Variants in SNRPN observed in about 807,000 individuals in gnomAD.
SNRPN encodes the protein small nuclear ribonucleoprotein-associated protein N.
Under a neutral mutation model 25.2 loss-of-function variants are expected in SNRPN, and 7 were observed. The ratio of observed to expected loss-of-function variants is 0.28; its 90% CI spans 0.16 to 0.52. The LOEUF (loss-of-function observed/expected upper bound fraction) is 0.52. Among genes scored for constraint, SNRPN ranks in the 20% least tolerant of loss-of-function variants. The pLI is 0.96. For synonymous variants in SNRPN, 124 were observed against 110.6 expected (o/e 1.12, Z -0.76); for missense variants, 196 against 322.5 (o/e 0.61, Z 3.00).
intron 2 of SNRPN, among the ~76,000 whole-genome samples, chr15:24,900,414 C>T (rs1047141265): frequency 6.6e-6 from 1 of 152,130 alleles, no homozygotes; most frequent in Non-Finnish European, 1.5e-5. Flanking sequence ...TGAAACTGAC[C>T]ATCTGGAAAC....
chr15:24,827,323 G>A (rs1440316572), intron 1 of SNRPN, among the ~76,000 whole-genome samples: 7 of 147,448 alleles, frequency 4.7e-5, no homozygotes, highest in African/African-American at 1.5e-4. Flanking sequence ...GACCATCCTG[G>A]CTAACACGGT....
At chr15:24,966,838 C>G (rs903327297) in intron 2 of SNRPN, among the ~76,000 whole-genome samples, 10 of 152,096 alleles carry the variant, frequency 6.6e-5, no homozygotes, top group African/African-American at 2.2e-4. Context: ...TTGGTGATCC[C>G]CCAGCTCCTC....
In SNRPN at chr15:24,871,163, T is replaced by A. The variant is rs560613769; in HGVS notation, c.-579+14447T>A. On this transcript the variant is annotated intron_variant, in intron 1 of 11. Transcript: ENST00000400097. ...CTCCCAAGTCTCCCAAGTGCTAGGA[T>A]TACAGGCGTGAGCCACCATGCCTGG... Among the ~76,000 whole-genome samples, 33 of 152,136 alleles carry A rather than the reference T, an allele frequency of 2.2e-4. No individual in the cohort carries two copies. In the East Asian group the frequency reaches 6.2e-3, roughly 29 times the overall value.
intron 3 of SNRPN, among the ~76,000 whole-genome samples, chr15:24,937,189 C>T (rs988724935): frequency 7.2e-5 from 11 of 151,998 alleles, no homozygotes; most frequent in African/African-American, 1.2e-4. Context: ...TGCAGCAAGA[C>T]GAGATCATGC....
intron 1 of SNRPN, among the ~76,000 whole-genome samples, chr15:24,883,423 G>A (rs1404869983): frequency 2.0e-5 from 3 of 152,184 alleles, no homozygotes; most frequent in Non-Finnish European, 2.9e-5. Context: ...CTGAAGCTGG[G>A]CACACCCACT....
chr15:24,845,733 T>TA (rs991139442), intron 2 of SNRPN, among the ~76,000 whole-genome samples: 14 of 151,316 alleles, frequency 9.3e-5, no homozygotes, highest in African/African-American at 2.4e-5. Context: ...TCTCAGTTTC[T>TA]AAAAAAAATA....
At chr15:24,868,137 AC>A (rs1566844963) in intron 1 of SNRPN, among the ~76,000 whole-genome samples, 1 of 142,190 alleles carries the variant, frequency 7.0e-6, no homozygotes, top group Non-Finnish European at 1.5e-5. Flanking sequence ...ATATATATAT[AC>A]ACACACACAT....
chr15:24,847,427 G>T (rs2052305318), intron 2 of SNRPN, among the ~76,000 whole-genome samples: 1 of 152,106 alleles, frequency 6.6e-6, no homozygotes, highest in Non-Finnish European at 1.5e-5. Flanking sequence ...GATCACTTGA[G>T]GCCAGGAGTT....
chr15:24,845,684 C>G (rs1053699446), intron 2 of SNRPN, among the ~76,000 whole-genome samples: 1 of 152,088 alleles, frequency 6.6e-6, no homozygotes, highest in Non-Finnish European at 1.5e-5. Flanking sequence ...TTTGGCTATA[C>G]TAATTATTTA....
Position 24,918,979 on chromosome 15 carries a change from CATAAT to C in SNRPN, c.-504-1028_-504-1024del, listed in dbSNP as rs1216530634. ...TATATATGCGCGCATATATATATAA[CATAAT>C]ATATATGTGCGCATATATATATAAC... On this transcript the variant is annotated intron_variant, in intron 2 of 11. Coordinates refer to the SNRPN transcript ENST00000400097. Among the ~76,000 whole-genome samples, 3 of 111,978 alleles carry C rather than the reference CATAAT, an allele frequency of 2.7e-5. 1 individual carries two copies. Among genetic ancestry groups the C allele is most frequent in the African/African-American group, 1.1e-4 (3 of 26,588 alleles). 73.5% of individuals were successfully genotyped at this position (111,978 alleles called of 152,430 possible). A position where few individuals can be genotyped will look rare whatever the true frequency, so the allele number is the denominator to read the frequency against.
intron 1 of SNRPN, among the ~76,000 whole-genome samples, chr15:24,869,562 C>T (rs538952831): frequency 6.6e-6 from 1 of 152,232 alleles, no homozygotes; most frequent in African/African-American, 2.4e-5. Flanking sequence ...TTAACATCCC[C>T]AATTTGGGAT....
chr15:24,923,855 G>C (rs1426185762), intron 3 of SNRPN, among the ~76,000 whole-genome samples: 1 of 143,298 alleles, frequency 7.0e-6, no homozygotes, highest in African/African-American at 2.6e-5. Context: ...GATAAATTTA[G>C]GATTTGTTTC....
intron 2 of SNRPN, among the ~76,000 whole-genome samples, chr15:24,897,523 T>C (rs1413848642): frequency 2.6e-5 from 4 of 152,190 alleles, no homozygotes; most frequent in Non-Finnish European, 4.4e-5. Context: ...AGTTCGTGGT[T>C]ACAGTGAGCT....
At chr15:24,932,605 C>T (rs7170795) in intron 3 of SNRPN, among the ~76,000 whole-genome samples, 2,818 of 151,358 alleles carry the variant, frequency 0.019, 98 homozygotes, top group African/African-American at 0.064. Flanking sequence ...CTCTGTCAAT[C>T]ATAATGTGTA....
chr15:24,879,591 A>G (rs2056383733), intron 1 of SNRPN, among the ~76,000 whole-genome samples: 1 of 152,248 alleles, frequency 6.6e-6, no homozygotes, highest in Admixed American at 6.5e-5. Flanking sequence ...CGAAGTGTGA[A>G]TACAAAACCA....
In SNRPN at chr15:24,929,655, G is replaced by A. The variant is rs1028526165; in HGVS notation, c.-391+9531G>A. ...GACCCAGCCAACTCTCTATGGGGCT[G>A]CCACACGACTTCCTAAAAAGGCATA... On this transcript the variant is annotated intron_variant, in intron 3 of 11. Transcript: ENST00000400097. This position sits in a 1 kb window ranked among gnomAD's most constrained non-coding sequence, Gnocchi z 5.3. 1.6e-4 allele frequency among the ~76,000 whole-genome samples: 24 copies of A among 152,102 alleles called. No homozygotes were observed. Among genetic ancestry groups the A allele is most frequent in the Admixed American group, 1.1e-3 (17 of 15,254 alleles).
chr15:24,923,925 T>A (rs1466635541), intron 3 of SNRPN, among the ~76,000 whole-genome samples: 3,981 of 13,940 alleles, frequency 0.29, 138 homozygotes, highest in Middle Eastern at 0.43. Flanking sequence ...ATATAAACAT[T>A]TTTTTTTTTT....
At chr15:24,882,294 G>A (rs1391443745) in intron 1 of SNRPN, among the ~76,000 whole-genome samples, 1 of 151,718 alleles carries the variant, frequency 6.6e-6, no homozygotes, top group East Asian at 1.9e-4. Flanking sequence ...ATTTTTGAAG[G>A]TAAACATCTT....
chr15:24,878,238 T>G (rs963079674), intron 1 of SNRPN, among the ~76,000 whole-genome samples: 2 of 152,154 alleles, frequency 1.3e-5, no homozygotes, highest in Non-Finnish European at 2.9e-5. Flanking sequence ...CCGTGGCGGG[T>G]CTAGGGCTCC....
Sources: allele counts gnomAD v4.1 joint callset (sites outside exome capture counted in the v4.1 genomes callset), GRCh38; gene constraint gnomAD v4.1.1; non-coding constraint Gnocchi (gnomAD v3.1); transcripts MANE v1.5; gene names NCBI Gene and HGNC (gene_info 2026-07-23, HGNC 2026-07-21).